COMMD10: variants seen among roughly 807,000 people sequenced by gnomAD.
COMMD10 encodes COMM domain-containing protein 10.
COMMD10 carries 33 observed loss-of-function variants against 28.9 expected under a neutral mutation model. The ratio of observed to expected loss-of-function variants is 1.14; its 90% CI spans 0.87 to 1.53. The LOEUF is 1.53. COMMD10 is among the 40% of genes most tolerant of loss of function. COMMD10 has a pLI of 0.00. For synonymous variants in COMMD10, 110 were observed against 81.7 expected (o/e 1.35, Z -1.87); for missense variants, 310 against 233.4 (o/e 1.33, Z -2.14).
chr5:116,286,584 T>G (rs76342635), intron 5 of COMMD10, among the ~76,000 whole-genome samples: 7,197 of 151,816 alleles, frequency 0.047, 287 homozygotes, highest in African/African-American at 0.09. Context: ...TCTTAAGATA[T>G]TTCCCAGTTC....
chr5:116,199,650 A>G (rs966206225), intron 5 of COMMD10, among the ~76,000 whole-genome samples: 3 of 151,902 alleles, frequency 2.0e-5, no homozygotes, highest in Non-Finnish European at 4.4e-5. Flanking sequence ...TGAGTTTCTG[A>G]CCTGTCTCCT....
At chr5:116,150,827 T>G (rs1292805965) in intron 5 of COMMD10, among the ~76,000 whole-genome samples, 2 of 135,326 alleles carry the variant, frequency 1.5e-5, no homozygotes, top group Non-Finnish European at 3.2e-5. Context: ...ACTTCCTCTT[T>G]TCCTAATTGA....
intron 5 of COMMD10, among the ~76,000 whole-genome samples, chr5:116,255,184 A>ATTT (rs1750246522): frequency 6.6e-6 from 1 of 151,624 alleles, no homozygotes; most frequent in South Asian, 2.1e-4. Context: ...TTTTGAGCCT[A>ATTT]TGTGTGTCTC....
chr5:116,094,254 T>C (rs1161088025), intron 4 of COMMD10, among the ~76,000 whole-genome samples: 3 of 152,126 alleles, frequency 2.0e-5, no homozygotes, highest in Admixed American at 6.5e-5. Flanking sequence ...TGGGATAAAA[T>C]ATTTACAAAC....
chr5:116,231,824 G>A (rs1561678232), intron 5 of COMMD10, among the ~76,000 whole-genome samples: 1 of 151,856 alleles, frequency 6.6e-6, no homozygotes, highest in Non-Finnish European at 1.5e-5. Context: ...GAATATGGGA[G>A]TACTTACTTC....
intron 4 of COMMD10, among the ~76,000 whole-genome samples, chr5:116,125,431 G>A (rs559824151): frequency 2.0e-5 from 3 of 152,070 alleles, no homozygotes; most frequent in African/African-American, 7.2e-5. Context: ...TGTTAGTCTG[G>A]TGGGTTTCCC....
In COMMD10 at chr5:116,203,470, A is replaced by G. The variant is rs182983271; in HGVS notation, c.510+69292A>G. On this transcript the variant is annotated intron_variant, in intron 5 of 6. Transcript: ENST00000274458. ...CACCAAAGTTGCAATGAAGGAAAAA[A>G]TGTTAAGGGCAGCCAGAGAGAAAGG... Among the ~76,000 whole-genome samples the G allele has an allele frequency of 5.7e-3, 863 of 152,230 alleles. 8 individuals are homozygous for G. Among genetic ancestry groups the G allele is most frequent in the African/African-American group, 0.02 (822 of 41,550 alleles).
In COMMD10 at chr5:116,204,036, A is replaced by G. The variant is rs1437723995; in HGVS notation, c.510+69858A>G. ...ACACACATAGGCTCAAAATAAAAGGATGGAGGAAGATCTCCCAAGCAAATG... is the reference window on the plus strand; with the variant it reads ...ACACACATAGGCTCAAAATAAAAGGGTGGAGGAAGATCTCCCAAGCAAATG... On this transcript the variant is annotated intron_variant, in intron 5 of 6. Coordinates refer to ENST00000274458, the MANE Select transcript of COMMD10 (RefSeq NM_016144.4). Among the ~76,000 whole-genome samples the G allele has an allele frequency of 2.6e-5, 4 of 152,240 alleles. No individual in the cohort carries two copies. In the South Asian group the frequency reaches 8.3e-4, roughly 32 times the overall value.
intron 5 of COMMD10, among the ~76,000 whole-genome samples, chr5:116,268,324 T>G (rs250325): frequency 6.6e-6 from 1 of 151,792 alleles, no homozygotes; most frequent in African/African-American, 2.4e-5. Flanking sequence ...AGAAGACATT[T>G]ATGCAGCCAA....
At chr5:116,092,484 T>C in intron 3 of COMMD10, 61 bp from the exon 4 acceptor site, 1 of 1,175,340 alleles carries the variant, frequency 8.5e-7, no homozygotes, top group Non-Finnish European at 1.2e-6. Flanking sequence ...GTATTTAGTA[T>C]AGTTTAAAGT....
intron 5 of COMMD10, among the ~76,000 whole-genome samples, chr5:116,167,253 A>G (rs1448052571): frequency 6.6e-6 from 1 of 151,992 alleles, no homozygotes; most frequent in Non-Finnish European, 1.5e-5. Context: ...ATCAGATTGA[A>G]TATCAACTTA....
rs1751950282 is a variant in COMMD10 at position 116,134,110 on chromosome 5, T to C, written c.442T>C (p.Ser148Pro). 1 of 1,612,632 alleles carries C rather than the reference T, an allele frequency of 6.2e-7. No individual in the cohort carries two copies. The highest frequency in any genetic ancestry group is 8.5e-7 in the Non-Finnish European group (1 of 1,178,580). Reference protein sequence around the residue: ...GWQLNLQMAHSAQAKLKSPQA... With the variant: ...GWQLNLQMAHPAQAKLKSPQA... ...GCAGCTTAACCTTCAGATGGCTCAC[T>C]CTGCTCAAGCAAAACTAAAATCTCC... is the stretch of plus-strand genomic sequence containing the variant. Residue 148 changes from serine to proline, a missense_variant, in exon 5 of 7, where the codon TCT becomes CCT. Coordinates refer to ENST00000274458, the MANE Select transcript of COMMD10 (RefSeq NM_016144.4).
chr5:116,124,702 C>G (rs1466151918), intron 4 of COMMD10, among the ~76,000 whole-genome samples: 1 of 152,108 alleles, frequency 6.6e-6, no homozygotes, highest in East Asian at 1.9e-4. Flanking sequence ...GTATGGGAGT[C>G]TAAGTCTCTT....
At chr5:116,108,602 C>T (rs777050983) in intron 4 of COMMD10, among the ~76,000 whole-genome samples, 57 of 152,300 alleles carry the variant, frequency 3.7e-4, no homozygotes, top group Middle Eastern at 3.4e-3. Flanking sequence ...AATTTCACGT[C>T]GGTGGATCTT....
intron 5 of COMMD10, among the ~76,000 whole-genome samples, chr5:116,137,448 G>A (rs924306860): frequency 5.3e-5 from 8 of 151,966 alleles, no homozygotes; most frequent in Admixed American, 3.9e-4. Flanking sequence ...TTATGAAGTT[G>A]GTGTTGGTTT....
chr5:116,255,398 G>A (rs1403150985), intron 5 of COMMD10, among the ~76,000 whole-genome samples: 3 of 151,620 alleles, frequency 2.0e-5, no homozygotes, highest in Admixed American at 1.3e-4. Context: ...TAGTCTTGAT[G>A]GTCGTTACAT....
intron 5 of COMMD10, among the ~76,000 whole-genome samples, chr5:116,256,236 T>G (rs555719666): frequency 6.6e-6 from 1 of 151,870 alleles, no homozygotes; most frequent in South Asian, 2.1e-4. Context: ...TGATTTTGAA[T>G]CACCGTTCGG....
intron 5 of COMMD10, among the ~76,000 whole-genome samples, chr5:116,288,232 T>C (rs1751271280): frequency 6.6e-6 from 1 of 151,856 alleles, no homozygotes; most frequent in South Asian, 2.1e-4. Context: ...TTTTTTGTTT[T>C]TGTTTTTGTT....
At chr5:116,204,596 G>T (rs1356515068) in intron 5 of COMMD10, among the ~76,000 whole-genome samples, 1 of 152,042 alleles carries the variant, frequency 6.6e-6, no homozygotes, top group Non-Finnish European at 1.5e-5. Context: ...GCAGCAATCT[G>T]CCTTTCCCCT....
Sources: gnomAD v4.1 joint callset for allele counts (sites outside exome capture counted in the v4.1 genomes callset) on GRCh38, gnomAD v4.1.1 for gene constraint, MANE v1.5 for transcripts, NCBI Gene and HGNC (gene_info 2026-07-23, HGNC 2026-07-21) for gene names.